Variants in GPATCH2 observed in about 807,000 individuals in gnomAD.
GPATCH2 encodes G-patch domain containing 2, also known as G patch domain-containing protein 2.
In GPATCH2, 51 loss-of-function variants were observed where a neutral mutation model predicts 58.0. The observed-to-expected ratio is 0.88, with a 90% CI of 0.70 to 1.11. The LOEUF (loss-of-function observed/expected upper bound fraction) is 1.11. GPATCH2 is among the 50% of genes most tolerant of loss of function. GPATCH2 has a pLI of 0.00. For missense variants in GPATCH2, 625 were observed against 652.2 expected, an observed-to-expected ratio of 0.96 and a Z score of 0.45; for synonymous variants, 222 against 218.5, an observed-to-expected ratio of 1.02 and a Z score of -0.14.
At chr1:217,630,009 T>C (rs1669662780) in intron 1 of GPATCH2, among the ~76,000 whole-genome samples, 1 of 152,198 alleles carries the variant, frequency 6.6e-6, no homozygotes, top group African/African-American at 2.4e-5. Flanking sequence ...TAGCCACATT[T>C]CTTTCACCTG....
At chr1:217,625,282 A>T (rs1346345994) in intron 1 of GPATCH2, among the ~76,000 whole-genome samples, 1 of 152,222 alleles carries the variant, frequency 6.6e-6, no homozygotes, top group Non-Finnish European at 1.5e-5. Flanking sequence ...ATCAATGTAG[A>T]AAACAGAGTT....
At chr1:217,462,396 A>G (rs1415174254) in intron 8 of GPATCH2, among the ~76,000 whole-genome samples, 1 of 152,176 alleles carries the variant, frequency 6.6e-6, no homozygotes, top group Non-Finnish European at 1.5e-5. Flanking sequence ...AAATCGATCT[A>G]CATACTGTTT....
chr1:217,613,502 T>A (rs1373139710), intron 3 of GPATCH2, among the ~76,000 whole-genome samples: 2 of 152,116 alleles, frequency 1.3e-5, no homozygotes, highest in Non-Finnish European at 2.9e-5. Context: ...GAAACAATCA[T>A]GAGCAGGTGT....
chr1:217,554,723 A>T (rs1362432126), intron 5 of GPATCH2, among the ~76,000 whole-genome samples: 1 of 152,234 alleles, frequency 6.6e-6, no homozygotes, highest in African/African-American at 2.4e-5. Flanking sequence ...GTAATATTTT[A>T]AAAAACAAGT....
chr1:217,619,800 A>T lies in GPATCH2; in HGVS notation c.756T>A (p.Asp252Glu), dbSNP rs1334163405. 6.3e-7 allele frequency: 1 copy of T among 1,576,088 alleles called. No homozygotes were observed. The highest frequency in any genetic ancestry group is 8.7e-7 in the Non-Finnish European group (1 of 1,154,882). The change falls in exon 2 of 10, where the codon GAT (aspartate) becomes GAA (glutamate). Residue 252 changes from aspartate (D) to glutamate (E), a missense_variant. Transcript: ENST00000366935. ...KMECEEQKVS[D>E]ELMSESDSSS... is the part of the protein sequence containing the mutation. ...AAAGTCACCTTTCACTCATGAGCTC[A>T]TCTGAGACTTTTTGCTCTTCACATT...
chr1:217,624,032 G>GA (rs1456201456), intron 1 of GPATCH2, among the ~76,000 whole-genome samples: 1 of 151,770 alleles, frequency 6.6e-6, no homozygotes, highest in Non-Finnish European at 1.5e-5. Context: ...AAGCTTTTTT[G>GA]AAAAAATCCT....
intron 6 of GPATCH2, among the ~76,000 whole-genome samples, chr1:217,504,205 AAAAGGAATAATCTG>A (rs1205121922): frequency 6.6e-6 from 1 of 152,164 alleles, no homozygotes. Flanking sequence ...CCAGGAGTAA[AAAAGGAATAATCTG>A]AAAGGGACAA....
At chr1:217,530,651 T>C (rs1271682332) in intron 5 of GPATCH2, among the ~76,000 whole-genome samples, 1 of 152,132 alleles carries the variant, frequency 6.6e-6, no homozygotes, top group South Asian at 2.1e-4. Context: ...AAAAATCAAA[T>C]GAATAATTTT....
intron 5 of GPATCH2, among the ~76,000 whole-genome samples, chr1:217,571,557 A>C (rs1478466693): frequency 6.6e-6 from 1 of 151,862 alleles, no homozygotes; most frequent in Non-Finnish European, 1.5e-5. Flanking sequence ...AAAAGGTACA[A>C]GGGTTTGGAA....
intron 5 of GPATCH2, among the ~76,000 whole-genome samples, chr1:217,553,006 AT>A (rs1665436348): frequency 6.6e-6 from 1 of 152,106 alleles, no homozygotes; most frequent in African/African-American, 2.4e-5. Flanking sequence ...TTAAGTGATA[AT>A]AATGGGAAAA....
At chr1:217,441,436 A>G (rs139997536) in intron 9 of GPATCH2, among the ~76,000 whole-genome samples, 1,985 of 152,332 alleles carry the variant, frequency 0.013, 52 homozygotes, top group African/African-American at 0.045. Context: ...GGACAAAGGC[A>G]TGGGCAAAGA....
At chr1:217,466,287 GAA>G (rs59706923) in intron 8 of GPATCH2, among the ~76,000 whole-genome samples, 1 of 145,138 alleles carries the variant, frequency 6.9e-6, no homozygotes, top group Non-Finnish European at 1.5e-5. Context: ...AACTAGAACT[GAA>G]AAAAAAAAAG....
intron 5 of GPATCH2, among the ~76,000 whole-genome samples, chr1:217,589,789 C>G (rs1667505691): frequency 6.6e-6 from 1 of 152,156 alleles, no homozygotes; most frequent in Non-Finnish European, 1.5e-5. Context: ...GAAATAGGCA[C>G]TAGACTCAAA....
chr1:217,614,083 G>T, intron 3 of GPATCH2, 58 bp downstream of exon 3: 1 of 916,490 alleles, frequency 1.1e-6, no homozygotes, highest in Non-Finnish European at 1.8e-6. Flanking sequence ...CCAGTAATAA[G>T]CTCCACTTTA....
At chr1:217,509,519 T>C (rs535854239) in intron 6 of GPATCH2, among the ~76,000 whole-genome samples, 1 of 152,204 alleles carries the variant, frequency 6.6e-6, no homozygotes, top group Non-Finnish European at 1.5e-5. Flanking sequence ...TGCGAGCTAG[T>C]CTCTGAACTG....
chr1:217,577,355 C>CTA (rs1666854798), intron 5 of GPATCH2, among the ~76,000 whole-genome samples: 1 of 152,156 alleles, frequency 6.6e-6, no homozygotes, highest in African/African-American at 2.4e-5. Flanking sequence ...ATCTTTGACT[C>CTA]TATGGAGACC....
rs1386457242 is a variant in GPATCH2, at chr1:217,480,777, T to C, written c.1277+10903A>G. On this transcript the variant is annotated intron_variant, in intron 8 of 9. Coordinates refer to ENST00000366935, the MANE Select transcript of GPATCH2 (RefSeq NM_018040.5). ...AACAGATGAATAAAGAAAATGTACATATACATAATGGAGTAGTATTCAGCC... is the reference window on the plus strand; with the variant it reads ...AACAGATGAATAAAGAAAATGTACACATACATAATGGAGTAGTATTCAGCC... Among the ~76,000 whole-genome samples the C allele has an allele frequency of 3.9e-5, 6 of 152,278 alleles. No homozygotes were observed. In the East Asian group the frequency reaches 9.6e-4, roughly 24 times the overall value.
intron 2 of GPATCH2, among the ~76,000 whole-genome samples, chr1:217,616,155 T>C (rs1177910455): frequency 6.6e-6 from 1 of 152,176 alleles, no homozygotes; most frequent in East Asian, 1.9e-4. Context: ...TATATGGGAA[T>C]GTGATTTACA....
intron 5 of GPATCH2, among the ~76,000 whole-genome samples, chr1:217,561,511 A>G (rs977214256): frequency 6.6e-6 from 1 of 152,174 alleles, no homozygotes; most frequent in Non-Finnish European, 1.5e-5. Flanking sequence ...AGCCCACCAT[A>G]TTCAGTAGAA....
Sources: gnomAD v4.1 joint callset for allele counts (sites outside exome capture counted in the v4.1 genomes callset) on GRCh38, gnomAD v4.1.1 for gene constraint, MANE v1.5 for transcripts, NCBI Gene and HGNC (gene_info 2026-07-23, HGNC 2026-07-21) for gene names.